Variants in NUAK1 observed in about 807,000 individuals in gnomAD.
The protein encoded by NUAK1 is NUAK family SNF1-like kinase 1.
NUAK1 carries 26 observed loss-of-function variants against 56.9 expected under a neutral mutation model. The observed-to-expected ratio is 0.46, with a 90% CI of 0.33 to 0.63. NUAK1 has a LOEUF of 0.63. NUAK1 is among the 30% of genes least tolerant of loss of function. The probability of loss-of-function intolerance (pLI) is 0.02; values close to 1 mark genes in which losing one functional copy is unlikely to be tolerated. For missense variants in NUAK1, 727 were observed against 876.1 expected, an observed-to-expected ratio of 0.83 and a Z score of 2.15; for synonymous variants, 337 against 336.0, an observed-to-expected ratio of 1.00 and a Z score of -0.03.
intron 3 of NUAK1, among the ~76,000 whole-genome samples, chr12:106,084,652 G>A (rs1435885775): frequency 1.3e-5 from 2 of 152,158 alleles, no homozygotes; most frequent in Non-Finnish European, 2.9e-5. Context: ...ATGACCAGCA[G>A]CCAGCCAGCT....
intron 1 of NUAK1, among the ~76,000 whole-genome samples, chr12:106,128,235 G>A (rs964233880): frequency 1.3e-5 from 2 of 151,040 alleles, no homozygotes; most frequent in Non-Finnish European, 2.9e-5. Flanking sequence ...GGGTTCAAGC[G>A]ATTCTCCTGC....
At position 106,067,600 on chromosome 12, in the gene NUAK1, C is replaced by T. The variant is rs1418317423; in HGVS notation, c.1188G>A (p.Arg396=). 2 of 1,614,226 alleles carry T rather than the reference C, an allele frequency of 1.2e-6. No individual in the cohort carries two copies. Among genetic ancestry groups the T allele is most frequent in the Admixed American group, 1.7e-5 (1 of 60,030 alleles). Residue 396 remains arginine, a synonymous_variant, in exon 7 of 7, where the codon AGG becomes AGA. Coordinates refer to ENST00000261402, the MANE Select transcript of NUAK1 (RefSeq NM_014840.3). This position sits in a 1 kb window ranked among gnomAD's most constrained non-coding sequence, Gnocchi z 6.0. ...TTCGCTTCTTCAGGATCCCCTTGGG[C>T]CTCTTAGAACTCAACTTGGATGGGC... ...PESPSKLSSK[R]PKGILKKRSN... is the part of the protein sequence containing the mutation.
chr12:106,097,534 T>C (rs1241680812), intron 2 of NUAK1, among the ~76,000 whole-genome samples: 1 of 152,212 alleles, frequency 6.6e-6, no homozygotes, highest in Non-Finnish European at 1.5e-5. Context: ...AGAACCTATA[T>C]CAGGACCTGC....
intron 1 of NUAK1, among the ~76,000 whole-genome samples, chr12:106,132,686 C>T (rs1399994818): frequency 6.6e-6 from 1 of 152,176 alleles, no homozygotes; most frequent in Non-Finnish European, 1.5e-5. Context: ...ACAAACTCCT[C>T]GAGGTCCAAC....
At chr12:106,128,380 C>T (rs2033045301) in intron 1 of NUAK1, among the ~76,000 whole-genome samples, 1 of 152,088 alleles carries the variant, frequency 6.6e-6, no homozygotes, top group South Asian at 2.1e-4. Flanking sequence ...ATCCACCCAC[C>T]TCGGCCTCTC....
intron 4 of NUAK1, 109 bp from the exon 5 acceptor site, chr12:106,072,952 G>GT: frequency 1.5e-6 from 2 of 1,297,830 alleles, no homozygotes; most frequent in South Asian, 2.8e-5. Flanking sequence ...GCACCTGGGT[G>GT]GGTCTGCTGG....
chr12:106,100,417 A>T (rs1021096021), intron 2 of NUAK1, among the ~76,000 whole-genome samples: 20 of 152,112 alleles, frequency 1.3e-4, no homozygotes, highest in African/African-American at 4.1e-4. Context: ...TTTGTATGGC[A>T]TTCCCAGGAC....
chr12:106,086,214 A>G (rs1223141984), intron 3 of NUAK1, among the ~76,000 whole-genome samples: 1 of 152,222 alleles, frequency 6.6e-6, no homozygotes, highest in Non-Finnish European at 1.5e-5. Flanking sequence ...ATGTCCAACA[A>G]TCAAGAATTA....
chr12:106,120,380 T>C (rs1268596775), intron 1 of NUAK1, among the ~76,000 whole-genome samples: 1 of 152,200 alleles, frequency 6.6e-6, no homozygotes, highest in Non-Finnish European at 1.5e-5. Flanking sequence ...ACATCCAGTA[T>C]ATGCTCCAAA....
At chr12:106,092,697 G>A (rs2136465526) in intron 2 of NUAK1, among the ~76,000 whole-genome samples, 1 of 152,234 alleles carries the variant, frequency 6.6e-6, no homozygotes, top group Admixed American at 6.5e-5. Context: ...GTTGAGGGTT[G>A]TTATGAATAG....
Position 106,067,882 on chromosome 12 carries a change from G to T in NUAK1, c.906C>A (p.Asn302Lys), listed in dbSNP as rs751220510. 2.5e-6 allele frequency: 4 copies of T among 1,614,074 alleles called. No individual in the cohort carries two copies. The highest frequency in any genetic ancestry group is 2.2e-5 in the East Asian group (1 of 44,888). Reference sequence around the variant, plus strand: ...TATAGCCCCAGTTCACCCACCAGTGGTTGGCAATGTCCTCAATAGTGGCCC... The same window carrying T: ...TATAGCCCCAGTTCACCCACCAGTGTTTGGCAATGTCCTCAATAGTGGCCC... ...DRRATIEDIA[N>K]HWWVNWGYKS... is the part of the protein sequence containing the mutation. Residue 302 changes from asparagine to lysine, a missense_variant, in exon 7 of 7, where the codon AAC (asparagine) becomes AAA (lysine). By Grantham distance (94) the Asn-to-Lys change is moderately conservative. Coordinates refer to ENST00000261402, the MANE Select transcript of NUAK1 (RefSeq NM_014840.3). The surrounding 1 kb of genome is among the most constrained non-coding windows in gnomAD (Gnocchi z 6.0).
intron 6 of NUAK1, 131 bp downstream of exon 6, chr12:106,070,643 C>T: frequency 8.0e-7 from 1 of 1,253,978 alleles, no homozygotes; most frequent in Non-Finnish European, 1.1e-6. Flanking sequence ...AAGGATGACA[C>T]TTCTGGGAAG....
Position 106,067,819 on chromosome 12 carries a change from A to C in NUAK1, c.969T>G (p.Ser323=), listed in dbSNP as rs1044489616. ...SVCDCDALHD[S]ESPLLARIID... is the part of the protein sequence containing the mutation. ...TGATCCGAGCCAGGAGTGGGGACTCAGAGTCATGGAGGGCATCACAGTCAC... is the reference window on the plus strand; with the variant it reads ...TGATCCGAGCCAGGAGTGGGGACTCCGAGTCATGGAGGGCATCACAGTCAC... Residue 323 remains serine, a synonymous_variant, in exon 7 of 7, where the codon TCT becomes TCG. Transcript: ENST00000261402. This position sits in a 1 kb window ranked among gnomAD's most constrained non-coding sequence, Gnocchi z 6.0. 3.7e-6 allele frequency: 6 copies of C among 1,613,870 alleles called. No individual in the cohort carries two copies. In the African/African-American group the frequency reaches 8.0e-5, roughly 22 times the overall value.
intron 1 of NUAK1, among the ~76,000 whole-genome samples, chr12:106,137,240 A>C (rs2033138710): frequency 6.6e-6 from 1 of 152,170 alleles, no homozygotes; most frequent in Non-Finnish European, 1.5e-5. Flanking sequence ...ATGCAAAAGA[A>C]ACATGTCAAT....
intron 1 of NUAK1, among the ~76,000 whole-genome samples, chr12:106,110,917 T>C (rs929543815): frequency 3.3e-5 from 5 of 151,666 alleles, no homozygotes; most frequent in Non-Finnish European, 5.9e-5. Flanking sequence ...GGGTTGGAGG[T>C]TTTTCCTTTT....
At chr12:106,121,439 T>C (rs1297335323) in intron 1 of NUAK1, among the ~76,000 whole-genome samples, 1 of 152,120 alleles carries the variant, frequency 6.6e-6, no homozygotes, top group Admixed American at 6.5e-5. Context: ...GGGTCTCCTG[T>C]CTTTCTAAGT....
chr12:106,119,912 G>T (rs1410946191), intron 1 of NUAK1, among the ~76,000 whole-genome samples: 1 of 152,150 alleles, frequency 6.6e-6, no homozygotes, highest in African/African-American at 2.4e-5. Context: ...CGATGAGAAA[G>T]ATTTCCTGAA....
chr12:106,102,951 A>G (rs932575881), intron 2 of NUAK1, among the ~76,000 whole-genome samples: 1 of 152,214 alleles, frequency 6.6e-6, no homozygotes, highest in Non-Finnish European at 1.5e-5. Flanking sequence ...ATTTCTAGTA[A>G]CCTAAAGACC....
At position 106,138,917 on chromosome 12, in the gene NUAK1, G is replaced by A. The variant is rs2033158427; in HGVS notation, c.-264C>T. 2 of 363,500 alleles carry A rather than the reference G, an allele frequency of 5.5e-6. No homozygotes were observed. Among genetic ancestry groups the A allele is most frequent in the African/African-American group, 2.1e-5 (1 of 46,858 alleles). 22.5% of individuals were successfully genotyped at this position (363,500 alleles called of 1,614,324 possible). A position where few individuals can be genotyped will look rare whatever the true frequency, so the allele number is the denominator to read the frequency against. On this transcript the variant is annotated 5_prime_UTR_variant, in exon 1 of 7. Transcript: ENST00000261402. The surrounding 1 kb of genome is among the most constrained non-coding windows in gnomAD (Gnocchi z 5.0). Reference sequence around the variant, plus strand: ...TCGGGCGAGGTGGCGGCGGTGGCAGGGGAGGCGGTGGTGTTTGCAGGAGGG... The same window carrying A: ...TCGGGCGAGGTGGCGGCGGTGGCAGAGGAGGCGGTGGTGTTTGCAGGAGGG...
Sources: allele counts gnomAD v4.1 joint callset (sites outside exome capture counted in the v4.1 genomes callset), GRCh38; gene constraint gnomAD v4.1.1; non-coding constraint Gnocchi (gnomAD v3.1); transcripts MANE v1.5; gene names NCBI Gene and HGNC (gene_info 2026-07-23, HGNC 2026-07-21).